MIPEP: variants seen among roughly 807,000 people sequenced by gnomAD.
MIPEP encodes mitochondrial intermediate peptidase.
MIPEP carries 79 observed loss-of-function variants against 90.3 expected under a neutral mutation model. The ratio of observed to expected loss-of-function variants is 0.87; its 90% CI spans 0.73 to 1.05. MIPEP has a LOEUF of 1.05. Ranked by LOEUF, MIPEP falls within the 50% of genes least tolerant of loss-of-function variation. The pLI is 0.00. For missense variants in MIPEP, 940 were observed against 905.6 expected (o/e 1.04, Z -0.49); for synonymous variants, 334 against 315.8 (o/e 1.06, Z -0.61).
intron 16 of MIPEP, among the ~76,000 whole-genome samples, chr13:23,788,704 G>A (rs1410346454): frequency 6.6e-6 from 1 of 152,174 alleles, no homozygotes; most frequent in Non-Finnish European, 1.5e-5. Context: ...GCCATTCCTT[G>A]AATGCTGGAT....
intron 16 of MIPEP, among the ~76,000 whole-genome samples, chr13:23,779,059 G>A (rs756224159): frequency 5.9e-5 from 9 of 152,060 alleles, no homozygotes; most frequent in Non-Finnish European, 1.2e-4. Context: ...CTTTATCCTG[G>A]AATGTTCTCT....
chr13:23,786,386 GCATAA>G (rs1289806677), intron 16 of MIPEP, among the ~76,000 whole-genome samples: 1 of 152,006 alleles, frequency 6.6e-6, no homozygotes, highest in African/African-American at 2.4e-5. Context: ...TTCTCTTTAA[GCATAA>G]CAGGAAACGG....
intron 13 of MIPEP, among the ~76,000 whole-genome samples, chr13:23,836,883 G>T (rs1869078103): frequency 6.6e-6 from 1 of 152,178 alleles, no homozygotes; most frequent in Non-Finnish European, 1.5e-5. Flanking sequence ...ATTGTGTTCA[G>T]CCCACCTACA....
chr13:23,793,287 TG>T (rs1471178426), intron 16 of MIPEP, among the ~76,000 whole-genome samples: 4 of 152,206 alleles, frequency 2.6e-5, no homozygotes, highest in Admixed American at 6.5e-5. Flanking sequence ...AACAAGACAG[TG>T]GATCTCACAG....
At chr13:23,840,960 T>C (rs1202625986) in intron 11 of MIPEP, among the ~76,000 whole-genome samples, 2 of 151,492 alleles carry the variant, frequency 1.3e-5, no homozygotes, top group Non-Finnish European at 2.9e-5. Flanking sequence ...GGGATGGGGG[T>C]TGGAGAGAAA....
At chr13:23,877,337 T>A (rs1277577798) in intron 4 of MIPEP, among the ~76,000 whole-genome samples, 2 of 152,244 alleles carry the variant, frequency 1.3e-5, no homozygotes, top group African/African-American at 2.4e-5. Context: ...ATGTTGCGGT[T>A]CTGCACTCTA....
At chr13:23,809,742 A>C (rs1286247268) in intron 15 of MIPEP, 108 bp downstream of exon 15, 2 of 721,108 alleles carry the variant, frequency 2.8e-6, no homozygotes, top group East Asian at 5.6e-5. Flanking sequence ...AAGATGTTTT[A>C]GAAGCATAAT....
At chr13:23,776,403 T>C (rs1952716925) in intron 16 of MIPEP, among the ~76,000 whole-genome samples, 1 of 152,170 alleles carries the variant, frequency 6.6e-6, no homozygotes, top group African/African-American at 2.4e-5. Flanking sequence ...TGGCTTAAGC[T>C]AGGGTAAAAT....
intron 17 of MIPEP, among the ~76,000 whole-genome samples, chr13:23,757,897 C>CA (rs1952503714): frequency 1.3e-5 from 2 of 152,302 alleles, no homozygotes; most frequent in South Asian, 4.1e-4. Context: ...ATTCCTTTAA[C>CA]ATACATGACT....
Position 23,889,360 on chromosome 13 carries a change from T to C in MIPEP, c.-40A>G, listed in dbSNP as rs544391018. 20 of 1,251,846 alleles carry C rather than the reference T, an allele frequency of 1.6e-5. No homozygotes were observed. In the South Asian group the frequency reaches 4.3e-4, roughly 27 times the overall value. 77.5% of individuals were successfully genotyped at this position (1,251,846 alleles called of 1,614,324 possible). ...AGTCCCTTCCTCCAACGCAGATCCC[T>C]GCCCTGCTGCTTTCGCTGGGAGCGC... On this transcript the variant is annotated 5_prime_UTR_variant, in exon 1 of 19. Coordinates refer to ENST00000382172, the MANE Select transcript of MIPEP (RefSeq NM_005932.4).
chr13:23,780,282 C>CATTTGCTGTTCAGCAAT (rs1442988691), intron 16 of MIPEP, among the ~76,000 whole-genome samples: 1 of 152,250 alleles, frequency 6.6e-6, no homozygotes. Flanking sequence ...CAAGCAGGAA[C>CATTTGCTGTTCAGCAAT]ATTTGCTGTT....
intron 14 of MIPEP, among the ~76,000 whole-genome samples, chr13:23,830,562 A>G (rs1332413266): frequency 6.6e-6 from 1 of 152,180 alleles, no homozygotes; most frequent in Admixed American, 6.5e-5. Flanking sequence ...AATAAAAGAG[A>G]AATTCATTAC....
intron 16 of MIPEP, among the ~76,000 whole-genome samples, chr13:23,787,321 C>A (rs1474672232): frequency 1.3e-5 from 2 of 152,016 alleles, no homozygotes; most frequent in Non-Finnish European, 2.9e-5. Context: ...CGGCCTGCTT[C>A]CAGTGTGGAG....
chr13:23,762,653 G>A (rs1206906987), intron 16 of MIPEP, among the ~76,000 whole-genome samples: 1 of 152,198 alleles, frequency 6.6e-6, no homozygotes, highest in Non-Finnish European at 1.5e-5. Context: ...TCCTCCTTGG[G>A]GATGCAGCCA....
intron 10 of MIPEP, among the ~76,000 whole-genome samples, chr13:23,856,846 C>T (rs1390169549): frequency 6.6e-6 from 1 of 151,526 alleles, no homozygotes; most frequent in African/African-American, 2.4e-5. Flanking sequence ...ATATTTAAGG[C>T]CAAGGCATTA....
At chr13:23,817,799 T>A (rs1953258422) in intron 14 of MIPEP, among the ~76,000 whole-genome samples, 1 of 152,090 alleles carries the variant, frequency 6.6e-6, no homozygotes, top group Non-Finnish European at 1.5e-5. Flanking sequence ...CCAAAATTTG[T>A]TTTACTGATA....
intron 14 of MIPEP, among the ~76,000 whole-genome samples, chr13:23,824,428 G>A (rs1953343013): frequency 2.0e-5 from 3 of 152,232 alleles, no homozygotes; most frequent in Non-Finnish European, 4.4e-5. Context: ...AACTCATCCT[G>A]AAGCAGAGAA....
At chr13:23,742,388 C>T (rs768283654) in intron 18 of MIPEP, among the ~76,000 whole-genome samples, 1 of 152,162 alleles carries the variant, frequency 6.6e-6, no homozygotes, top group South Asian at 2.1e-4. Context: ...TTAACCCCTG[C>T]TGGAGGAAAT....
chr13:23,836,416 C>T, intron 13 of MIPEP, 67 bp from the exon 14 acceptor site: 4 of 845,926 alleles, frequency 4.7e-6, no homozygotes, highest in South Asian at 5.0e-5. Flanking sequence ...TTTTGTGTGC[C>T]CTTTAAAACT....
Sources: gnomAD v4.1 joint callset for allele counts (sites outside exome capture counted in the v4.1 genomes callset) on GRCh38, gnomAD v4.1.1 for gene constraint, MANE v1.5 for transcripts, NCBI Gene and HGNC (gene_info 2026-07-23, HGNC 2026-07-21) for gene names.